RBPMS: variants seen among roughly 807,000 people sequenced by gnomAD.
RBPMS encodes RNA binding protein, mRNA processing factor, also known as RNA-binding protein with multiple splicing.
In RBPMS, 7 loss-of-function variants were observed where a neutral mutation model predicts 26.8. That is an observed-to-expected ratio of 0.26 (90% CI 0.15 to 0.49). The LOEUF (loss-of-function observed/expected upper bound fraction) is 0.49. RBPMS is among the 20% of genes least tolerant of loss of function. RBPMS has a pLI of 0.98. For missense variants in RBPMS, 186 were observed against 250.0 expected (o/e 0.74, Z 1.73); for synonymous variants, 96 against 93.3 (o/e 1.03, Z -0.17).
intron 4 of RBPMS, among the ~76,000 whole-genome samples, chr8:30,500,470 G>A (rs1330087610): frequency 6.6e-6 from 1 of 151,616 alleles, no homozygotes; most frequent in Non-Finnish European, 1.5e-5. Context: ...TCATTGTCAA[G>A]GACTGATGGA....
At chr8:30,467,481 C>A (rs991428459) in intron 1 of RBPMS, among the ~76,000 whole-genome samples, 2 of 152,150 alleles carry the variant, frequency 1.3e-5, no homozygotes, top group Admixed American at 1.3e-4. Flanking sequence ...GTTTATATTA[C>A]ATGGTCTGTC....
chr8:30,472,755 G>T (rs145876890), intron 1 of RBPMS, among the ~76,000 whole-genome samples: 146 of 152,282 alleles, frequency 9.6e-4, no homozygotes, highest in African/African-American at 3.4e-3. Flanking sequence ...GCACTTCTGT[G>T]TAACAGGAAA....
chr8:30,487,155 T>C (rs1818876861), intron 4 of RBPMS, among the ~76,000 whole-genome samples: 1 of 152,346 alleles, frequency 6.6e-6, no homozygotes, highest in East Asian at 1.9e-4. Context: ...AATCTTAATG[T>C]CTTGACTGTC....
chr8:30,487,675 G>T (rs1434251165), intron 4 of RBPMS, among the ~76,000 whole-genome samples: 1 of 151,906 alleles, frequency 6.6e-6, no homozygotes, highest in African/African-American at 2.4e-5. Context: ...TATAGAATGT[G>T]AAAAATTATA....
intron 5 of RBPMS, among the ~76,000 whole-genome samples, chr8:30,535,408 T>G (rs144079925): frequency 6.6e-6 from 1 of 152,178 alleles, no homozygotes; most frequent in Admixed American, 6.5e-5. Context: ...AGGGTACACA[T>G]AGCCTGTTTT....
chr8:30,535,472 T>C (rs1824691899), intron 5 of RBPMS, among the ~76,000 whole-genome samples: 1 of 152,134 alleles, frequency 6.6e-6, no homozygotes, highest in African/African-American at 2.4e-5. Flanking sequence ...GAGTGCTCCA[T>C]GCCTTGATGA....
At chr8:30,431,650 C>T (rs911519420) in intron 1 of RBPMS, among the ~76,000 whole-genome samples, 1 of 152,044 alleles carries the variant, frequency 6.6e-6, no homozygotes, top group African/African-American at 2.4e-5. Flanking sequence ...AAGGTTTCTC[C>T]GTGTTGGCTA....
At chr8:30,436,226 T>G (rs1812434432) in intron 1 of RBPMS, among the ~76,000 whole-genome samples, 1 of 152,116 alleles carries the variant, frequency 6.6e-6, no homozygotes, top group African/African-American at 2.4e-5. Context: ...CCCCAACCTC[T>G]AAGCATTTCC....
At chr8:30,471,174 A>G (rs1047535013) in intron 1 of RBPMS, among the ~76,000 whole-genome samples, 5 of 152,320 alleles carry the variant, frequency 3.3e-5, no homozygotes, top group South Asian at 2.1e-4. Flanking sequence ...TACACATACT[A>G]TAAGATAAAT....
intron 1 of RBPMS, among the ~76,000 whole-genome samples, chr8:30,437,780 G>C (rs2150693826): frequency 7.8e-6 from 1 of 127,664 alleles, no homozygotes; most frequent in East Asian, 2.4e-4. Context: ...GACAGAGCGA[G>C]ACTCCATCTC....
At chr8:30,484,227 A>G (rs952760827) in intron 4 of RBPMS, among the ~76,000 whole-genome samples, 2 of 152,226 alleles carry the variant, frequency 1.3e-5, no homozygotes, top group African/African-American at 4.8e-5. Context: ...AATTATAACC[A>G]TTCTAGTAGA....
intron 5 of RBPMS, among the ~76,000 whole-genome samples, chr8:30,513,931 A>G (rs1822010586): frequency 6.6e-6 from 1 of 152,214 alleles, no homozygotes; most frequent in Admixed American, 6.5e-5. Flanking sequence ...AGCATGGTCC[A>G]CGCACCCCTG....
chr8:30,548,435 CTG>C (rs1826033946), intron 6 of RBPMS, among the ~76,000 whole-genome samples: 1 of 152,170 alleles, frequency 6.6e-6, no homozygotes, highest in African/African-American at 2.4e-5. Context: ...GTAAGTAGGA[CTG>C]AGAGAGAAAG....
chr8:30,522,387 G>A lies in RBPMS; in HGVS notation c.397+17951G>A, dbSNP rs76548505. ...GCTGGGTGGAGGGGATCATGCCAGTGATCTCAACATTTGGAGACGCCAAGG... is the reference window on the plus strand; with the variant it reads ...GCTGGGTGGAGGGGATCATGCCAGTAATCTCAACATTTGGAGACGCCAAGG... On this transcript the variant is annotated intron_variant, in intron 5 of 8. Coordinates refer to ENST00000397323, the MANE Select transcript of RBPMS (RefSeq NM_001008710.3). Among the ~76,000 whole-genome samples the A allele has an allele frequency of 7.0e-3, 1,063 of 152,000 alleles. 12 individuals carry two copies. Among genetic ancestry groups the A allele is most frequent in the African/African-American group, 0.024 (1,009 of 41,426 alleles).
At chr8:30,551,756 C>G (rs1447855747) in intron 6 of RBPMS, among the ~76,000 whole-genome samples, 7 of 152,142 alleles carry the variant, frequency 4.6e-5, no homozygotes, top group Admixed American at 4.6e-4. Context: ...AACTGGGACT[C>G]AGTTTTTTAA....
At chr8:30,504,084 T>C (rs185199225) in intron 4 of RBPMS, among the ~76,000 whole-genome samples, 1 of 152,328 alleles carries the variant, frequency 6.6e-6, no homozygotes, top group Admixed American at 6.5e-5. Flanking sequence ...AACTACATTT[T>C]TTAACTAAAC....
intron 5 of RBPMS, among the ~76,000 whole-genome samples, chr8:30,537,039 A>G (rs893282940): frequency 6.6e-6 from 1 of 152,150 alleles, no homozygotes; most frequent in Non-Finnish European, 1.5e-5. Flanking sequence ...ACTCTGGGTA[A>G]CCCTCATCCC....
intron 1 of RBPMS, among the ~76,000 whole-genome samples, chr8:30,450,025 T>A (rs1051338059): frequency 2.0e-5 from 3 of 152,240 alleles, no homozygotes; most frequent in Non-Finnish European, 2.9e-5. Flanking sequence ...TTTATCTTTC[T>A]TTTAAACAAA....
chr8:30,563,924 C>A (rs1479610431), intron 7 of RBPMS: 1 of 152,266 alleles, frequency 6.6e-6, no homozygotes, highest in Non-Finnish European at 1.5e-5. Flanking sequence ...GCACATCACA[C>A]CTAAGGCTAC....
Sources: gnomAD v4.1 joint callset for allele counts (sites outside exome capture counted in the v4.1 genomes callset) on GRCh38, gnomAD v4.1.1 for gene constraint, MANE v1.5 for transcripts, NCBI Gene and HGNC (gene_info 2026-07-23, HGNC 2026-07-21) for gene names.